Variants in HNF4A observed in about 807,000 individuals in gnomAD.
HNF4A encodes hepatocyte nuclear factor 4-alpha.
HNF4A carries 15 observed loss-of-function variants against 52.4 expected under a neutral mutation model. The ratio of observed to expected loss-of-function variants is 0.29; its 90% CI spans 0.19 to 0.44. HNF4A has a LOEUF of 0.44. Ranked by LOEUF, HNF4A falls within the 20% of genes least tolerant of loss-of-function variation. HNF4A has a pLI of 1.00. For synonymous variants in HNF4A, 280 were observed against 264.4 expected, an observed-to-expected ratio of 1.06 and a Z score of -0.57; for missense variants, 479 against 647.2, an observed-to-expected ratio of 0.74 and a Z score of 2.82.
In HNF4A at chr20:44,418,406, T is replaced by G. The variant is rs775641733; in HGVS notation, c.649-19T>G. 1 of 1,610,458 alleles carries G rather than the reference T, an allele frequency of 6.2e-7. No homozygotes were observed. Among genetic ancestry groups the G allele is most frequent in the Non-Finnish European group, 8.5e-7 (1 of 1,176,642 alleles). ...TCCCAAGGGTACAGATGGCAAACACTGTTCCTTCTCTCTTTCAGGTGGCCC... is the reference window on the plus strand; with the variant it reads ...TCCCAAGGGTACAGATGGCAAACACGGTTCCTTCTCTCTTTCAGGTGGCCC... On this transcript the variant is annotated intron_variant, in intron 5 of 9. Coordinates refer to ENST00000316099, the MANE Select transcript of HNF4A (RefSeq NM_000457.6).
chr20:44,428,273 G>T, intron 8 of HNF4A, 62 bp from the exon 9 acceptor site: 1 of 1,572,674 alleles, frequency 6.4e-7, no homozygotes, highest in South Asian at 1.1e-5. Context: ...GGAAGATGGC[G>T]TCCCAAGGCC....
At chr20:44,414,944 A>T (rs954027647) in intron 5 of HNF4A, among the ~76,000 whole-genome samples, 1 of 152,220 alleles carries the variant, frequency 6.6e-6, no homozygotes, top group African/African-American at 2.4e-5. Flanking sequence ...GCTCAAGGTC[A>T]CATAGCTACT....
chr20:44,385,890 C>T (rs764900904), intron 1 of HNF4A, among the ~76,000 whole-genome samples: 2 of 151,968 alleles, frequency 1.3e-5, no homozygotes, highest in African/African-American at 2.4e-5. Flanking sequence ...GGCAGGGTCT[C>T]GCTCTGGCGC....
At chr20:44,400,751 G>A (rs773023708), upstream of HNF4A, among the ~76,000 whole-genome samples, 6 of 151,918 alleles carry the variant, frequency 3.9e-5, no homozygotes, top group Non-Finnish European at 8.8e-5. Flanking sequence ...GGGAAACTGC[G>A]GGGGAACTGG....
chr20:44,399,849 C>T (rs547886139), upstream of HNF4A, among the ~76,000 whole-genome samples: 1 of 152,308 alleles, frequency 6.6e-6, no homozygotes, highest in South Asian at 2.1e-4. Context: ...TTAATTGGTG[C>T]TCCCACTAAT....
At chr20:44,417,717 A>C (rs2063685040) in intron 5 of HNF4A, among the ~76,000 whole-genome samples, 1 of 152,164 alleles carries the variant, frequency 6.6e-6, no homozygotes, top group Admixed American at 6.5e-5. Context: ...TCACACCTGT[A>C]ATCTCAGCAC....
chr20:44,404,842 G>T (rs1287922280), intron 1 of HNF4A, among the ~76,000 whole-genome samples: 7 of 748 alleles, frequency 9.4e-3, no homozygotes, highest in East Asian at 0.028. Flanking sequence ...GTGTGTGTGT[G>T]CGTGACTGTG....
intron 1 of HNF4A, among the ~76,000 whole-genome samples, chr20:44,361,717 C>CA (rs11482025): frequency 0.17 from 26,067 of 151,414 alleles, 2,512 homozygotes; most frequent in Middle Eastern, 0.26. Flanking sequence ...AAAAAAACAA[C>CA]AAAAAAAACA....
chr20:44,396,720 T>C (rs1318337912), upstream of HNF4A, among the ~76,000 whole-genome samples: 1 of 152,218 alleles, frequency 6.6e-6, no homozygotes. Context: ...TTGCTACTAT[T>C]GTACTGTATG....
At chr20:44,360,747 TC>T (rs2062908107) in intron 1 of HNF4A, among the ~76,000 whole-genome samples, 1 of 152,172 alleles carries the variant, frequency 6.6e-6, no homozygotes, top group East Asian at 1.9e-4. Flanking sequence ...GTAGGCCTAG[TC>T]CCTTTGACCA....
chr20:44,368,161 T>TATATATATATATA (rs71195542), intron 1 of HNF4A, among the ~76,000 whole-genome samples: 1 of 18,310 alleles, frequency 5.5e-5, no homozygotes, highest in African/African-American at 2.2e-4. Context: ...TATATATATA[T>TATATATATATATA]TTTTTTTTTT....
At chr20:44,380,848 T>A (rs545912754) in intron 1 of HNF4A, among the ~76,000 whole-genome samples, 16 of 152,356 alleles carry the variant, frequency 1.1e-4, no homozygotes, top group African/African-American at 3.6e-4. Context: ...AAATCTAATA[T>A]CATGAAGCTT....
chr20:44,411,253 T>A (rs911135271), intron 3 of HNF4A, among the ~76,000 whole-genome samples: 1 of 151,906 alleles, frequency 6.6e-6, no homozygotes, highest in Admixed American at 6.6e-5. Context: ...TACCCAGGAG[T>A]TCCCTGGGAA....
At chr20:44,410,453 A>G (rs2063565600) in intron 3 of HNF4A, among the ~76,000 whole-genome samples, 1 of 151,964 alleles carries the variant, frequency 6.6e-6, no homozygotes, top group South Asian at 2.1e-4. Flanking sequence ...ATAGGAAATG[A>G]GGGTATTCCT....
chr20:44,404,533 C>T (rs2063455645), intron 1 of HNF4A, among the ~76,000 whole-genome samples: 2 of 150,672 alleles, frequency 1.3e-5, no homozygotes, highest in African/African-American at 4.9e-5. Context: ...TGTGTGTGGA[C>T]TGTGTGTATG....
At chr20:44,383,152 A>G (rs915462644) in intron 1 of HNF4A, among the ~76,000 whole-genome samples, 1 of 152,174 alleles carries the variant, frequency 6.6e-6, no homozygotes, top group African/African-American at 2.4e-5. Context: ...CCTGAGTGAC[A>G]GAGACCCTGT....
intron 1 of HNF4A, among the ~76,000 whole-genome samples, chr20:44,378,229 T>C (rs759548823): frequency 1.3e-5 from 2 of 152,086 alleles, no homozygotes; most frequent in South Asian, 2.1e-4. Flanking sequence ...TATCAATTTG[T>C]AGGCATTTTT....
intron 7 of HNF4A, among the ~76,000 whole-genome samples, chr20:44,421,815 G>T (rs1434897829): frequency 6.9e-6 from 1 of 144,958 alleles, no homozygotes; most frequent in Non-Finnish European, 1.5e-5. Context: ...AATATATAGT[G>T]ATATATATAG....
intron 6 of HNF4A, among the ~76,000 whole-genome samples, chr20:44,419,150 G>A (rs908090477): frequency 2.0e-5 from 3 of 152,306 alleles, no homozygotes; most frequent in South Asian, 2.1e-4. Context: ...CCCAGCCCGC[G>A]TCACCTGTGC....
Sources: allele counts gnomAD v4.1 joint callset (sites outside exome capture counted in the v4.1 genomes callset), GRCh38; gene constraint gnomAD v4.1.1; transcripts MANE v1.5; gene names NCBI Gene and HGNC (gene_info 2026-07-23, HGNC 2026-07-21).